PPP3CA: variants seen among roughly 807,000 people sequenced by gnomAD.
PPP3CA encodes the protein CAM-PRP catalytic subunit.
A neutral mutation model predicts 66.5 loss-of-function variants in PPP3CA; 14 were observed. The observed-to-expected ratio is 0.21, with a 90% confidence interval of 0.14 to 0.33. The LOEUF is 0.33. Among genes scored for constraint, PPP3CA ranks in the 10% least tolerant of loss-of-function variants. The pLI is 1.00. For synonymous variants in PPP3CA, 232 were observed against 226.2 expected (o/e 1.03, Z -0.23); for missense variants, 317 against 639.5 (o/e 0.50, Z 5.44).
rs1290865121 is a variant in PPP3CA, at chr4:101,347,353, T to TTGCTGCTGCCGCTGC, written c.-572_-558dup. The TTGCTGCTGCCGCTGC allele has an allele frequency of 5.1e-6, 1 of 196,590 alleles. No individual in the cohort carries two copies. The highest frequency in any genetic ancestry group is 1.0e-5 in the Non-Finnish European group (1 of 99,172). The allele number at this position is 196,590 out of a possible 1,614,324, so 12.2% of individuals were successfully genotyped here. A position where few individuals can be genotyped will look rare whatever the true frequency, so the allele number is the denominator to read the frequency against. On this transcript the variant is annotated 5_prime_UTR_variant, in exon 1 of 14. Transcript: ENST00000394854. ...GCCGCTGCTGCTGCCGCTGCCGCTGTTGCTGCTGCCGCTGCCCCTGCTTCT... is the reference window on the plus strand; with the variant it reads ...GCCGCTGCTGCTGCCGCTGCCGCTGTTGCTGCTGCCGCTGCTGCTGCTGCCGCTGCCCCTGCTTCT...
chr4:101,124,715 A>AGAGAG (rs1722159788), intron 2 of PPP3CA, among the ~76,000 whole-genome samples: 1 of 88,020 alleles, frequency 1.1e-5, no homozygotes, highest in East Asian at 2.9e-4. Flanking sequence ...GAAAGAAAGA[A>AGAGAG]AGAAAGAAAG....
intron 2 of PPP3CA, among the ~76,000 whole-genome samples, chr4:101,114,123 T>A (rs977945489): frequency 6.6e-6 from 1 of 152,066 alleles, no homozygotes; most frequent in Non-Finnish European, 1.5e-5. Flanking sequence ...ATCAAAAACA[T>A]AGATGCACAA....
At chr4:101,270,209 T>G (rs1727293408) in intron 1 of PPP3CA, among the ~76,000 whole-genome samples, 1 of 152,312 alleles carries the variant, frequency 6.6e-6, no homozygotes, top group South Asian at 2.1e-4. Flanking sequence ...CTATAGCTAC[T>G]GCATAAAAAG....
chr4:101,029,264 A>G, intron 12 of PPP3CA, 69 bp from the exon 13 acceptor site: 7 of 1,424,282 alleles, frequency 4.9e-6, no homozygotes, highest in African/African-American at 1.4e-5. Context: ...CTCTAAGAAC[A>G]AATCAGTGAC....
chr4:101,051,736 G>T (rs934526486), intron 10 of PPP3CA, among the ~76,000 whole-genome samples: 1 of 152,054 alleles, frequency 6.6e-6, no homozygotes, highest in Non-Finnish European at 1.5e-5. Flanking sequence ...ATGCAACATG[G>T]TTTGCTTTCT....
chr4:101,184,203 G>A (rs1470634973), intron 2 of PPP3CA, among the ~76,000 whole-genome samples: 1 of 152,152 alleles, frequency 6.6e-6, no homozygotes, highest in East Asian at 1.9e-4. Context: ...TGTGATACAG[G>A]CAGTTAAAGC....
chr4:101,272,498 A>G (rs1727366722), intron 1 of PPP3CA, among the ~76,000 whole-genome samples: 1 of 152,192 alleles, frequency 6.6e-6, no homozygotes, highest in Admixed American at 6.5e-5. Flanking sequence ...AAATTCATCC[A>G]AGAAAAGTAT....
intron 6 of PPP3CA, among the ~76,000 whole-genome samples, chr4:101,084,207 T>C (rs1164782017): frequency 2.0e-5 from 3 of 152,192 alleles, no homozygotes; most frequent in African/African-American, 7.2e-5. Context: ...AAAACATTCA[T>C]CAATTATAAA....
At chr4:101,082,985 C>T (rs1364100291) in intron 7 of PPP3CA, among the ~76,000 whole-genome samples, 5 of 152,138 alleles carry the variant, frequency 3.3e-5, no homozygotes, top group African/African-American at 1.2e-4. Flanking sequence ...AAGAACTTTA[C>T]GGGAGACTGT....
chr4:101,158,499 G>T (rs77212721), intron 2 of PPP3CA, among the ~76,000 whole-genome samples: 126 of 152,256 alleles, frequency 8.3e-4, no homozygotes, highest in African/African-American at 2.8e-3. Flanking sequence ...AGTTAAGGGG[G>T]CTCTCCTTTC....
At chr4:101,103,582 G>GAAC (rs1467669095) in intron 3 of PPP3CA, among the ~76,000 whole-genome samples, 1 of 152,178 alleles carries the variant, frequency 6.6e-6, no homozygotes, top group East Asian at 1.9e-4. Context: ...CAGAAGCATG[G>GAAC]AACATTGTCT....
chr4:101,321,674 A>G (rs1729045752), intron 1 of PPP3CA, among the ~76,000 whole-genome samples: 4 of 152,234 alleles, frequency 2.6e-5, no homozygotes, highest in Admixed American at 2.0e-4. Context: ...ACCGAGTACC[A>G]GTGAATAAGC....
At position 101,032,372 on chromosome 4, in the gene PPP3CA, G is replaced by T; in HGVS notation, c.1242-8C>A. On this transcript the variant is annotated splice_polypyrimidine_tract_variant and splice_region_variant and intron_variant, in intron 11 of 13. Coordinates refer to ENST00000394854, the MANE Select transcript of PPP3CA (RefSeq NM_000944.5). ...ACACTCTCACTCTCTTCTCTGGAAG[G>T]CACAATGAGGGGCGACATTAACTTT... is the stretch of plus-strand genomic sequence containing the variant. 1 of 1,606,390 alleles carries T rather than the reference G, an allele frequency of 6.2e-7. No homozygotes were observed. The highest frequency in any genetic ancestry group is 8.5e-7 in the Non-Finnish European group (1 of 1,174,034).
intron 8 of PPP3CA, among the ~76,000 whole-genome samples, chr4:101,079,084 G>A (rs1356263209): frequency 6.6e-6 from 1 of 152,140 alleles, no homozygotes; most frequent in Non-Finnish European, 1.5e-5. Flanking sequence ...ACACCATCCA[G>A]CAGATGTCAT....
At chr4:101,274,018 A>C (rs1727414201) in intron 1 of PPP3CA, among the ~76,000 whole-genome samples, 1 of 152,116 alleles carries the variant, frequency 6.6e-6, no homozygotes, top group Non-Finnish European at 1.5e-5. Flanking sequence ...CAGTAGATTA[A>C]AGGTTGGCCA....
At chr4:101,226,025 C>T (rs2659522) in intron 1 of PPP3CA, among the ~76,000 whole-genome samples, 19,132 of 151,638 alleles carry the variant, frequency 0.13, 1,692 homozygotes, top group East Asian at 0.33. Context: ...GATAGTAATG[C>T]TGACATCCCT....
At chr4:101,214,770 G>T (rs551338605) in intron 1 of PPP3CA, among the ~76,000 whole-genome samples, 1 of 152,200 alleles carries the variant, frequency 6.6e-6, no homozygotes, top group Non-Finnish European at 1.5e-5. Flanking sequence ...AATAATCAGT[G>T]ATCAAAGGCA....
At chr4:101,048,805 G>T (rs949999263) in intron 10 of PPP3CA, among the ~76,000 whole-genome samples, 14 of 151,950 alleles carry the variant, frequency 9.2e-5, no homozygotes, top group African/African-American at 3.4e-4. Context: ...TACAATCTCA[G>T]TATATATTAA....
At chr4:101,304,751 A>C (rs1385527202) in intron 1 of PPP3CA, among the ~76,000 whole-genome samples, 1 of 152,262 alleles carries the variant, frequency 6.6e-6, no homozygotes, top group Non-Finnish European at 1.5e-5. Flanking sequence ...ACTTCTATTC[A>C]ATTATTTATC....
Sources: allele counts gnomAD v4.1 joint callset (sites outside exome capture counted in the v4.1 genomes callset), GRCh38; gene constraint gnomAD v4.1.1; transcripts MANE v1.5; gene names NCBI Gene and HGNC (gene_info 2026-07-23, HGNC 2026-07-21).